The following L2HGDH variants were observed in gnomAD, a reference collection of about 807,000 sequenced individuals.
L2HGDH encodes the protein L-2-hydroxyglutarate dehydrogenase, mitochondrial.
In L2HGDH, 34 loss-of-function variants were observed where a neutral mutation model predicts 51.5. The observed-to-expected ratio is 0.66, with a 90% CI of 0.50 to 0.88. The LOEUF (loss-of-function observed/expected upper bound fraction) is 0.88, where lower values mean the gene tolerates loss of function less well. L2HGDH is among the 40% of genes least tolerant of loss of function. The probability of loss-of-function intolerance (pLI) is 0.00; values close to 1 mark genes in which losing one functional copy is unlikely to be tolerated. For synonymous variants in L2HGDH, 198 were observed against 197.9 expected (o/e 1.00, Z -0.01); for missense variants, 558 against 571.9 (o/e 0.98, Z 0.25).
At chr14:50,267,383 C>T (rs1259193545) in intron 8 of L2HGDH, among the ~76,000 whole-genome samples, 3 of 151,982 alleles carry the variant, frequency 2.0e-5, no homozygotes, top group East Asian at 1.9e-4. Context: ...GGGGCTTCAT[C>T]GTGTTAGCCA....
At chr14:50,311,096 C>A (rs763093129) in intron 1 of L2HGDH, among the ~76,000 whole-genome samples, 1 of 151,906 alleles carries the variant, frequency 6.6e-6, no homozygotes, top group African/African-American at 2.4e-5. Context: ...CCCACCACCA[C>A]GCCAGGCTAA....
Position 50,284,172 on chromosome 14 carries a change from T to C in L2HGDH, c.541-139A>G, listed in dbSNP as rs1595114859. 3 of 742,240 alleles carry C rather than the reference T, an allele frequency of 4.0e-6. No homozygotes were observed. In the East Asian group the frequency reaches 8.0e-5, roughly 20 times the overall value. The allele number at this position is 742,240 out of a possible 1,614,324, so 46.0% of individuals were successfully genotyped here. On this transcript the variant is annotated intron_variant, in intron 4 of 9. Transcript: ENST00000267436. ...TTTTCTTGCTGCTACAATGAGTTTTTCTTTTCCATTTATTATCCCTCACCA... is the reference window on the plus strand; with the variant it reads ...TTTTCTTGCTGCTACAATGAGTTTTCCTTTTCCATTTATTATCCCTCACCA...
chr14:50,270,568 G>A (rs758833315), intron 6 of L2HGDH, among the ~76,000 whole-genome samples: 4 of 151,720 alleles, frequency 2.6e-5, no homozygotes, highest in Non-Finnish European at 5.9e-5. Context: ...TGCAGTGGCA[G>A]CGATCTCGGC....
chr14:50,243,147 A>C lies in L2HGDH; in HGVS notation c.*3911T>G. 2.0e-6 allele frequency: 2 copies of C among 985,458 alleles called. No individual in the cohort carries two copies. The highest frequency in any genetic ancestry group is 2.4e-6 in the Non-Finnish European group (2 of 829,940). 61.0% of individuals were successfully genotyped at this position (985,458 alleles called of 1,614,324 possible). On this transcript the variant is annotated 3_prime_UTR_variant, in exon 10 of 10. Transcript: ENST00000267436. Reference sequence around the variant, plus strand: ...AAAGGCAACTCCCCAAACAGTGCTAATGCTGAGAGGATCAAGGGAAGGACT... The same window carrying C: ...AAAGGCAACTCCCCAAACAGTGCTACTGCTGAGAGGATCAAGGGAAGGACT...
chr14:50,310,687 C>T (rs2031063851), intron 1 of L2HGDH, among the ~76,000 whole-genome samples: 1 of 151,906 alleles, frequency 6.6e-6, no homozygotes, highest in African/African-American at 2.4e-5. Context: ...CTTGGCAACA[C>T]AGTGAGACCC....
chr14:50,294,510 T>C (rs954080878), intron 3 of L2HGDH, among the ~76,000 whole-genome samples: 4 of 152,214 alleles, frequency 2.6e-5, no homozygotes, highest in South Asian at 2.1e-4. Context: ...TCTGTTATCA[T>C]AGTCTCTATG....
intron 6 of L2HGDH, among the ~76,000 whole-genome samples, chr14:50,269,592 A>G (rs1286163029): frequency 6.6e-6 from 1 of 152,196 alleles, no homozygotes; most frequent in Non-Finnish European, 1.5e-5. Context: ...GATACTTAGT[A>G]AGGTATACAT....
chr14:50,289,542 T>C (rs1013531045), intron 4 of L2HGDH, among the ~76,000 whole-genome samples: 2 of 152,146 alleles, frequency 1.3e-5, no homozygotes, highest in African/African-American at 4.8e-5. Context: ...CATTCATAGA[T>C]TTAGAAAGAG....
At chr14:50,306,090 C>T (rs775954166) in intron 1 of L2HGDH, among the ~76,000 whole-genome samples, 7 of 149,812 alleles carry the variant, frequency 4.7e-5, no homozygotes, top group Non-Finnish European at 8.9e-5. Flanking sequence ...CTGGCTCTGT[C>T]GCCAGGCTGG....
Position 50,271,142 on chromosome 14 carries a change from C to T in L2HGDH, c.739-1812G>A, listed in dbSNP as rs188611201. Among the ~76,000 whole-genome samples, 5 of 152,308 alleles carry T rather than the reference C, an allele frequency of 3.3e-5. No homozygotes were observed. In the East Asian group the frequency reaches 7.7e-4, roughly 23 times the overall value. On this transcript the variant is annotated intron_variant, in intron 6 of 9. Coordinates refer to ENST00000267436, the MANE Select transcript of L2HGDH (RefSeq NM_024884.3). Reference sequence around the variant, plus strand: ...AGCTGGGACTATAGGCGTGAGCCACCGCACCCAGCCAAAAATAACTTCTTC... The same window carrying T: ...AGCTGGGACTATAGGCGTGAGCCACTGCACCCAGCCAAAAATAACTTCTTC...
chr14:50,250,544 C>T (rs564268751), intron 9 of L2HGDH, among the ~76,000 whole-genome samples: 53 of 152,280 alleles, frequency 3.5e-4, no homozygotes, highest in African/African-American at 1.1e-3. Flanking sequence ...TCTCTGGACA[C>T]GCCTGGGGCC....
intron 2 of L2HGDH, 24 bp downstream of exon 2, chr14:50,302,878 G>T: frequency 6.7e-7 from 1 of 1,490,200 alleles, no homozygotes; most frequent in Non-Finnish European, 9.4e-7. Flanking sequence ...TAAGCCCAAA[G>T]AACAACATTG....
intron 4 of L2HGDH, among the ~76,000 whole-genome samples, chr14:50,293,696 C>T (rs1018794393): frequency 1.3e-5 from 2 of 152,106 alleles, no homozygotes; most frequent in African/African-American, 4.8e-5. Flanking sequence ...ACTACAGCTG[C>T]CCTCCTCCAA....
At chr14:50,305,112 C>T (rs1303312550) in intron 1 of L2HGDH, among the ~76,000 whole-genome samples, 1 of 152,164 alleles carries the variant, frequency 6.6e-6, no homozygotes, top group Admixed American at 6.5e-5. Context: ...GGAACTAACA[C>T]GTAAGCTTGA....
chr14:50,251,435 CAT>C (rs1227934852), intron 9 of L2HGDH, among the ~76,000 whole-genome samples: 1 of 151,992 alleles, frequency 6.6e-6, no homozygotes, highest in Non-Finnish European at 1.5e-5. Context: ...GGTACAGAAA[CAT>C]ATAGGGGTAA....
At chr14:50,251,494 G>A (rs748083698) in intron 9 of L2HGDH, among the ~76,000 whole-genome samples, 12 of 151,972 alleles carry the variant, frequency 7.9e-5, no homozygotes, top group African/African-American at 1.7e-4. Flanking sequence ...CAAACCTAGA[G>A]AAAGATATCA....
At chr14:50,268,603 G>A (rs561374691) in intron 7 of L2HGDH, among the ~76,000 whole-genome samples, 2 of 152,072 alleles carry the variant, frequency 1.3e-5, no homozygotes, top group African/African-American at 4.8e-5. Flanking sequence ...AAATACATGA[G>A]GTTGAAGCAG....
chr14:50,271,104 T>G (rs1566515994), intron 6 of L2HGDH, among the ~76,000 whole-genome samples: 1 of 150,180 alleles, frequency 6.7e-6, no homozygotes, highest in Non-Finnish European at 1.5e-5. Flanking sequence ...GTAATTCTCC[T>G]GCCTAAACGA....
chr14:50,297,842 C>G (rs2030156257), intron 3 of L2HGDH, among the ~76,000 whole-genome samples: 1 of 151,962 alleles, frequency 6.6e-6, no homozygotes, highest in Admixed American at 6.6e-5. Context: ...CCTGTAATTT[C>G]AACACTTTGG....
Sources: gnomAD v4.1 joint callset for allele counts (sites outside exome capture counted in the v4.1 genomes callset) on GRCh38, gnomAD v4.1.1 for gene constraint, MANE v1.5 for transcripts, NCBI Gene and HGNC (gene_info 2026-07-23, HGNC 2026-07-21) for gene names.